The following COL4A1 variants were observed in gnomAD, a reference collection of about 807,000 sequenced individuals.
The protein encoded by COL4A1 is collagen alpha-1(IV) chain.
A neutral mutation model predicts 216.6 loss-of-function variants in COL4A1; 40 were observed. The ratio of observed to expected loss-of-function variants is 0.18; its 90% CI spans 0.14 to 0.24. The LOEUF (loss-of-function observed/expected upper bound fraction) is 0.24, where lower values mean the gene tolerates loss of function less well. COL4A1 is among the 10% of genes least tolerant of loss of function. The pLI is 1.00. For synonymous variants in COL4A1, 839 were observed against 810.7 expected (o/e 1.03, Z -0.59); for missense variants, 1,628 against 2,196.8 (o/e 0.74, Z 5.18).
intron 1 of COL4A1, among the ~76,000 whole-genome samples, chr13:110,259,336 G>A (rs566284821): frequency 6.6e-6 from 1 of 152,204 alleles, no homozygotes; most frequent in East Asian, 1.9e-4. Context: ...CTCCAGTCAG[G>A]ACATATTTAT....
chr13:110,163,063 A>C (rs192054328), intron 47 of COL4A1, among the ~76,000 whole-genome samples: 32 of 152,290 alleles, frequency 2.1e-4, no homozygotes, highest in African/African-American at 7.5e-4. Flanking sequence ...CGGACACTCG[A>C]GTGTGCCTTC....
At chr13:110,241,994 C>T (rs1305681628) in intron 2 of COL4A1, among the ~76,000 whole-genome samples, 1 of 152,168 alleles carries the variant, frequency 6.6e-6, no homozygotes, top group African/African-American at 2.4e-5. Flanking sequence ...CACAGCCACA[C>T]CTGGTTTCCA....
chr13:110,291,961 A>C (rs1884106865), intron 1 of COL4A1, among the ~76,000 whole-genome samples: 1 of 152,218 alleles, frequency 6.6e-6, no homozygotes, highest in Admixed American at 6.5e-5. Flanking sequence ...AGAAACCAAA[A>C]TGCAGCTGAG....
At chr13:110,265,523 C>T (rs1882994702) in intron 1 of COL4A1, 1 of 152,190 alleles carries the variant, frequency 6.6e-6, no homozygotes, top group African/African-American at 2.4e-5. Context: ...AGCCTGGGAT[C>T]AGGAAGTGTG....
rs571239283 is a variant in COL4A1 at position 110,273,617 on chromosome 13, T to C, written c.85-30883A>G. 3.3e-5 allele frequency among the ~76,000 whole-genome samples: 5 copies of C among 152,332 alleles called. No individual in the cohort carries two copies. The East Asian group carries it at 9.7e-4, about 29-fold the overall frequency. On this transcript the variant is annotated intron_variant, in intron 1 of 51. Transcript: ENST00000375820. ...AGGGGTTTAAATTGTTTATGGCAAC[T>C]GAATAATAAAGAACTAAACACCTAG... is the stretch of plus-strand genomic sequence containing the variant.
intron 1 of COL4A1, among the ~76,000 whole-genome samples, chr13:110,252,793 G>A (rs1193932381): frequency 8.3e-6 from 1 of 120,188 alleles, no homozygotes; most frequent in Non-Finnish European, 1.7e-5. Context: ...TTATAAGTAT[G>A]TATTACATAT....
intron 1 of COL4A1, among the ~76,000 whole-genome samples, chr13:110,256,742 G>A (rs61963333): frequency 0.54 from 77,993 of 145,352 alleles, 21,161 homozygotes; most frequent in South Asian, 0.66. Flanking sequence ...CCAGACCGGC[G>A]GCGGGGGGGT....
chr13:110,201,442 T>C lies in COL4A1; in HGVS notation c.1080A>G (p.Pro360=). ...GGAAAAAGGCAAGAAAGCTACCTTTTGGGCCTGGCTCTCCTCTTGGCCCCG... is the reference window on the plus strand; with the variant it reads ...GGAAAAAGGCAAGAAAGCTACCTTTCGGGCCTGGCTCTCCTCTTGGCCCCG... ...GTPGPRGEPG[P]KGFPGLPGQP... The change falls in exon 19 of 52, where the codon CCA becomes CCG. Residue 360 remains proline, a synonymous_variant. Coordinates refer to ENST00000375820, the MANE Select transcript of COL4A1 (RefSeq NM_001845.6). The C allele has an allele frequency of 1.2e-6, 2 of 1,613,346 alleles. No individual in the cohort carries two copies. The highest frequency in any genetic ancestry group is 2.7e-5 in the African/African-American group (2 of 74,600).
In COL4A1 at chr13:110,183,021, A is replaced by G. The variant is rs1278821083; in HGVS notation, c.2067T>C (p.Ile689=). 6.2e-7 allele frequency: 1 copy of G among 1,613,224 alleles called. No individual in the cohort carries two copies. The highest frequency in any genetic ancestry group is 8.5e-7 in the Non-Finnish European group (1 of 1,179,874). ...TGGGGCCGGGGGGCCCTGGAAATCC[A>G]ATGCCTGGCTGGCCCACAGCGCCCT... is the stretch of plus-strand genomic sequence containing the variant. ...GEKGAVGQPG[I]GFPGPPGPKG... The change falls in exon 28 of 52, where the codon ATT becomes ATC. Residue 689 remains isoleucine, a synonymous_variant. Coordinates refer to ENST00000375820, the MANE Select transcript of COL4A1 (RefSeq NM_001845.6).
At chr13:110,181,426 A>C (rs754667899) in intron 28 of COL4A1, 37 bp from the exon 29 acceptor site, 81 of 1,539,248 alleles carry the variant, frequency 5.3e-5, no homozygotes, top group Non-Finnish European at 6.3e-5. Context: ...ACAAACAAAC[A>C]ATCATTGCGA....
chr13:110,172,110 A>G (rs564338527), intron 41 of COL4A1, among the ~76,000 whole-genome samples: 63 of 152,370 alleles, frequency 4.1e-4, no homozygotes, highest in Middle Eastern at 3.4e-3. Context: ...CAGCCAGCCC[A>G]GCCACGGGCC....
rs543944124 is a variant in COL4A1, at chr13:110,219,949, T to C, written c.145-5934A>G. On this transcript the variant is annotated intron_variant, in intron 2 of 51. Coordinates refer to ENST00000375820, the MANE Select transcript of COL4A1 (RefSeq NM_001845.6). The stretch of plus-strand genomic sequence containing the variant: ...ATGTATGTATATGTGTGTGTATATA[T>C]ACACATACATACATATACATATATA... Among the ~76,000 whole-genome samples, 107 of 88,908 alleles carry C rather than the reference T, an allele frequency of 1.2e-3. 4 individuals are homozygous for C. The highest frequency in any genetic ancestry group is 4.6e-3 in the African/African-American group (103 of 22,476). 58.3% of individuals were successfully genotyped at this position (88,908 alleles called of 152,430 possible). A position where few individuals can be genotyped will look rare whatever the true frequency, so the allele number is the denominator to read the frequency against.
Position 110,181,275 on chromosome 13 carries a change from G to C in COL4A1, c.2193+17C>G, listed in dbSNP as rs762108804. 2.0e-5 allele frequency: 32 copies of C among 1,611,584 alleles called. No homozygotes were observed. The highest frequency in any genetic ancestry group is 2.7e-5 in the Non-Finnish European group (32 of 1,177,888). On this transcript the variant is annotated intron_variant, in intron 29 of 51. Transcript: ENST00000375820. ...GGATGGGGGAGAAGGGTCATGGAGG[G>C]AATGCTTGGCACTCACCTTCTGGCC...
intron 12 of COL4A1, among the ~76,000 whole-genome samples, chr13:110,208,438 C>T (rs768093013): frequency 2.6e-5 from 4 of 152,168 alleles, no homozygotes; most frequent in Non-Finnish European, 4.4e-5. Flanking sequence ...TGGTGAGGGG[C>T]CGCTGCCCAC....
rs1879844622 is a variant in COL4A1, at chr13:110,212,363, A to G, written c.387+54T>C. On this transcript the variant is annotated intron_variant, in intron 6 of 51. Coordinates refer to ENST00000375820, the MANE Select transcript of COL4A1 (RefSeq NM_001845.6). Reference sequence around the variant, plus strand: ...GAATCACACTACCTGACTCCTTAATATGCAAAAATTACGTAAACACACACA... The same window carrying G: ...GAATCACACTACCTGACTCCTTAATGTGCAAAAATTACGTAAACACACACA... The G allele has an allele frequency of 4.4e-6, 7 of 1,601,448 alleles. No individual in the cohort carries two copies. The Admixed American group carries it at 6.7e-5, about 15-fold the overall frequency.
intron 1 of COL4A1, among the ~76,000 whole-genome samples, chr13:110,279,635 G>T (rs1395274358): frequency 6.6e-6 from 1 of 152,130 alleles, no homozygotes; most frequent in African/African-American, 2.4e-5. Context: ...TCTTGCAGGG[G>T]AAAACCTCCT....
chr13:110,217,318 G>A (rs1392072291), intron 2 of COL4A1, among the ~76,000 whole-genome samples: 1 of 152,204 alleles, frequency 6.6e-6, no homozygotes, highest in Non-Finnish European at 1.5e-5. Context: ...GGTTATTGGA[G>A]CTAGCAGGGT....
At position 110,213,795 on chromosome 13, in the gene COL4A1, G is replaced by A. The variant is rs748094645; in HGVS notation, c.266C>T (p.Thr89Ile). 4 of 1,614,180 alleles carry A rather than the reference G, an allele frequency of 2.5e-6. No homozygotes were observed. Among genetic ancestry groups the A allele is most frequent in the Non-Finnish European group, 3.4e-6 (4 of 1,180,014 alleles). The change falls in exon 4 of 52, where the codon ACA becomes ATA. Residue 89 changes from threonine to isoleucine, a missense_variant. By Grantham distance (89) the Thr-to-Ile change is moderately conservative. This residue lies in a region of COL4A1 where 150 missense variants were observed against 211.9 expected (regional missense o/e 0.71). Coordinates refer to ENST00000375820, the MANE Select transcript of COL4A1 (RefSeq NM_001845.6). ...AACTGTACTCACTCTTGTCCCTTTT[G>A]TTCCAGGTAGTCCTGGTTCTCCAGT... is the stretch of plus-strand genomic sequence containing the variant. ...GDTGEPGLPGTKGTRGPPGAS... is the reference protein window; with the variant it reads ...GDTGEPGLPGIKGTRGPPGAS...
rs55866398 is a variant in COL4A1, at chr13:110,253,585, G to A, written c.85-10851C>T. On this transcript the variant is annotated intron_variant, in intron 1 of 51. Transcript: ENST00000375820. ...TTATACGTATGTATGTATTACATAT[G>A]CATATAATTATACGTATGTATGTAT... is the stretch of plus-strand genomic sequence containing the variant. Among the ~76,000 whole-genome samples the A allele has an allele frequency of 1.3e-4, 17 of 127,664 alleles. 1 individual carries two copies. Among genetic ancestry groups the A allele is most frequent in the African/African-American group, 4.1e-4 (15 of 36,932 alleles). 83.8% of individuals were successfully genotyped at this position (127,664 alleles called of 152,430 possible).
Sources: allele counts gnomAD v4.1 joint callset (sites outside exome capture counted in the v4.1 genomes callset), GRCh38; gene constraint gnomAD v4.1.1; regional missense constraint gnomAD v4.1.1; transcripts MANE v1.5; gene names NCBI Gene and HGNC (gene_info 2026-07-23, HGNC 2026-07-21).